NALF1: variants seen among roughly 807,000 people sequenced by gnomAD.
NALF1 encodes family with sequence similarity 155 member A.
Under a neutral mutation model 48.4 loss-of-function variants are expected in NALF1, and 3 were observed. The ratio of observed to expected loss-of-function variants is 0.06; its 90% confidence interval spans 0.03 to 0.16. The LOEUF is 0.16. Among genes scored for constraint, NALF1 ranks in the 10% least tolerant of loss-of-function variants. The pLI is 1.00. For missense variants in NALF1, 526 were observed against 571.5 expected, an observed-to-expected ratio of 0.92 and a Z score of 0.81; for synonymous variants, 262 against 245.7, an observed-to-expected ratio of 1.07 and a Z score of -0.62.
In NALF1 at chr13:107,170,671, C is replaced by T. The variant is rs749679739; in HGVS notation, c.1203G>A (p.Arg401=). ...TTGCTGATGACACTGTGAGCGATGTCCTGTGACAGGAGCCACTTTTCTCTA... is the reference window on the plus strand; with the variant it reads ...TTGCTGATGACACTGTGAGCGATGTTCTGTGACAGGAGCCACTTTTCTCTA... ...GTVEKSGSCH[R]TSLTVSSATR... is the part of the protein sequence containing the mutation. The change falls in exon 3 of 3, where the codon AGG becomes AGA. Residue 401 remains arginine, a synonymous_variant. Transcript: ENST00000375915. The T allele has an allele frequency of 1.2e-5, 19 of 1,614,198 alleles. No homozygotes were observed. Among genetic ancestry groups the T allele is most frequent in the Non-Finnish European group, 1.6e-5 (19 of 1,180,042 alleles).
chr13:107,823,110 C>T (rs1879406017), intron 1 of NALF1, among the ~76,000 whole-genome samples: 1 of 152,128 alleles, frequency 6.6e-6, no homozygotes, highest in South Asian at 2.1e-4. Context: ...TTCAATTTAC[C>T]CTAATTTCCT....
At chr13:107,182,869 T>C (rs573335872) in intron 2 of NALF1, among the ~76,000 whole-genome samples, 42 of 152,324 alleles carry the variant, frequency 2.8e-4, no homozygotes, top group Non-Finnish European at 3.1e-4. Flanking sequence ...TTGGGTTGTA[T>C]TGAACAGAAA....
intron 1 of NALF1, among the ~76,000 whole-genome samples, chr13:107,354,297 T>G (rs1318815216): frequency 6.6e-6 from 1 of 151,704 alleles, no homozygotes; most frequent in African/African-American, 2.4e-5. Context: ...GCACGACATG[T>G]GAGAGGTGGT....
chr13:107,508,107 T>C (rs16970381), intron 1 of NALF1, among the ~76,000 whole-genome samples: 3,396 of 152,256 alleles, frequency 0.022, 122 homozygotes, highest in African/African-American at 0.078. Context: ...TGGCCATTAA[T>C]AGAAACATGA....
chr13:107,660,221 C>T (rs1327404640), intron 1 of NALF1, among the ~76,000 whole-genome samples: 1 of 151,592 alleles, frequency 6.6e-6, no homozygotes, highest in Admixed American at 6.6e-5. Context: ...GGACGGATCA[C>T]GAGGTCAAGA....
intron 1 of NALF1, among the ~76,000 whole-genome samples, chr13:107,794,349 T>A (rs543727952): frequency 6.6e-6 from 1 of 152,148 alleles, no homozygotes; most frequent in African/African-American, 2.4e-5. Flanking sequence ...TGAATAATCG[T>A]TGAGTCCTTT....
At chr13:107,576,196 A>C (rs779433468) in intron 1 of NALF1, among the ~76,000 whole-genome samples, 27 of 152,176 alleles carry the variant, frequency 1.8e-4, no homozygotes, top group Non-Finnish European at 3.8e-4. Context: ...ATGATGAAAG[A>C]AAATTTCTCT....
At chr13:107,530,729 A>G (rs1876600284) in intron 1 of NALF1, among the ~76,000 whole-genome samples, 1 of 152,164 alleles carries the variant, frequency 6.6e-6, no homozygotes, top group African/African-American at 2.4e-5. Context: ...TATCACTTAC[A>G]TCATATTGAT....
chr13:107,557,252 A>G lies in NALF1; in HGVS notation c.915+308430T>C, dbSNP rs565145551. Among the ~76,000 whole-genome samples, 65 of 152,324 alleles carry G rather than the reference A, an allele frequency of 4.3e-4. 4 individuals are homozygous for G. The South Asian group carries it at 0.013, about 31-fold the overall frequency. On this transcript the variant is annotated intron_variant, in intron 1 of 2. Transcript: ENST00000375915. The stretch of plus-strand genomic sequence containing the variant: ...TTGTAACCCTTTTAGCACAGAAGTT[A>G]CAGCAGCAAACAATGCAAACAAACA...
At chr13:107,375,479 G>A (rs1053363382) in intron 1 of NALF1, among the ~76,000 whole-genome samples, 6 of 151,980 alleles carry the variant, frequency 3.9e-5, no homozygotes, top group African/African-American at 1.4e-4. Flanking sequence ...TATCTATCAT[G>A]TAAATAATTA....
At position 107,760,838 on chromosome 13, in the gene NALF1, G is replaced by C. The variant is rs1163209461; in HGVS notation, c.915+104844C>G. 2.6e-5 allele frequency among the ~76,000 whole-genome samples: 4 copies of C among 152,142 alleles called. No homozygotes were observed. In the East Asian group the frequency reaches 7.7e-4, roughly 29 times the overall value. On this transcript the variant is annotated intron_variant, in intron 1 of 2. Coordinates refer to ENST00000375915, the MANE Select transcript of NALF1 (RefSeq NM_001080396.3). Reference sequence around the variant, plus strand: ...ATTTCCTTGGCAGCCATTATAACATGTCTTTGACCTAATTTTTTGCAGTAG... The same window carrying C: ...ATTTCCTTGGCAGCCATTATAACATCTCTTTGACCTAATTTTTTGCAGTAG...
At chr13:107,578,481 TG>T (rs1411755881) in intron 1 of NALF1, among the ~76,000 whole-genome samples, 1 of 152,216 alleles carries the variant, frequency 6.6e-6, no homozygotes, top group African/African-American at 2.4e-5. Flanking sequence ...CTTACTTGAA[TG>T]GAACAAATGT....
At chr13:107,761,022 G>A (rs1001828463) in intron 1 of NALF1, among the ~76,000 whole-genome samples, 11 of 152,150 alleles carry the variant, frequency 7.2e-5, no homozygotes, top group African/African-American at 2.7e-4. Flanking sequence ...ACAGACTTCT[G>A]TCCTCTTGTA....
chr13:107,512,822 C>T (rs1201756146), intron 1 of NALF1, among the ~76,000 whole-genome samples: 1 of 152,114 alleles, frequency 6.6e-6, no homozygotes, highest in Admixed American at 6.5e-5. Context: ...CACTGGTGGG[C>T]ATTTCTTATG....
intron 1 of NALF1, among the ~76,000 whole-genome samples, chr13:107,257,882 G>A (rs1409885809): frequency 6.6e-6 from 1 of 152,188 alleles, no homozygotes; most frequent in African/African-American, 2.4e-5. Flanking sequence ...TAGAATAAGA[G>A]GGAGAATTCA....
At chr13:107,773,841 C>T (rs889906453) in intron 1 of NALF1, among the ~76,000 whole-genome samples, 2 of 151,862 alleles carry the variant, frequency 1.3e-5, no homozygotes, top group Admixed American at 6.6e-5. Flanking sequence ...AACAAACCTG[C>T]ACATTGCGCA....
chr13:107,836,019 T>C (rs2138631198), intron 1 of NALF1, among the ~76,000 whole-genome samples: 1 of 152,256 alleles, frequency 6.6e-6, no homozygotes, highest in East Asian at 1.9e-4. Flanking sequence ...TGAGACAGGG[T>C]CTTGCTCTGT....
chr13:107,496,046 G>A (rs1480523549), intron 1 of NALF1, among the ~76,000 whole-genome samples: 1 of 151,998 alleles, frequency 6.6e-6, no homozygotes, highest in Non-Finnish European at 1.5e-5. Context: ...GGAAATATAT[G>A]TATATTTTAA....
intron 1 of NALF1, among the ~76,000 whole-genome samples, chr13:107,762,274 G>A (rs1877284876): frequency 6.6e-6 from 1 of 151,784 alleles, no homozygotes; most frequent in Non-Finnish European, 1.5e-5. Context: ...TTTTTGTGAT[G>A]GTTGGAAATA....
Sources: allele counts gnomAD v4.1 joint callset (sites outside exome capture counted in the v4.1 genomes callset), GRCh38; gene constraint gnomAD v4.1.1; transcripts MANE v1.5; gene names NCBI Gene and HGNC (gene_info 2026-07-23, HGNC 2026-07-21).